GALNT13: variants seen among roughly 807,000 people sequenced by gnomAD.
GALNT13 encodes the protein UDP-GalNAc:polypeptide N-acetylgalactosaminyltransferase 13.
Under a neutral mutation model 64.2 loss-of-function variants are expected in GALNT13, and 28 were observed. The ratio of observed to expected loss-of-function variants is 0.44; its 90% CI spans 0.32 to 0.60. GALNT13 has a LOEUF of 0.60. Among genes scored for constraint, GALNT13 ranks in the 20% least tolerant of loss-of-function variants. The pLI is 0.05. For synonymous variants in GALNT13, 214 were observed against 224.6 expected, an observed-to-expected ratio of 0.95 and a Z score of 0.42; for missense variants, 577 against 669.8, an observed-to-expected ratio of 0.86 and a Z score of 1.53.
At chr2:153,848,602 A>G in the GALNT13 span, among the ~76,000 whole-genome samples, 1 of 152,162 alleles carries the variant, frequency 6.6e-6, no homozygotes, top group Non-Finnish European at 1.5e-5. Flanking sequence ...AAATTAAAGG[A>G]AATACAAATT....
chr2:154,384,958 A>C (rs895110585), intron 9 of GALNT13, among the ~76,000 whole-genome samples: 4 of 151,976 alleles, frequency 2.6e-5, no homozygotes, highest in Non-Finnish European at 4.4e-5. Context: ...ATCTACTGAA[A>C]CTGCAGTTGG....
At chr2:153,469,014 T>C in the GALNT13 span, among the ~76,000 whole-genome samples, 1 of 152,130 alleles carries the variant, frequency 6.6e-6, no homozygotes, top group African/African-American at 2.4e-5. Context: ...AAGTAAATCA[T>C]GTCTAGAGGA....
chr2:153,168,440 A>G, the GALNT13 span, among the ~76,000 whole-genome samples: 9 of 152,310 alleles, frequency 5.9e-5, no homozygotes, highest in Admixed American at 1.3e-4. Flanking sequence ...AAAGTTATAT[A>G]TTTGTGGTAC....
intron 2 of GALNT13, among the ~76,000 whole-genome samples, chr2:153,920,881 A>G (rs1250562606): frequency 2.6e-5 from 4 of 152,192 alleles, no homozygotes; most frequent in Admixed American, 2.6e-4. Flanking sequence ...AACATGCTCA[A>G]CATCACTGAT....
rs925230599 is a variant in GALNT13 at position 154,018,042 on chromosome 2, C to G, written c.142+73403C>G. ...TGATTTGCCTTTAATTCACTGTAAT[C>G]TTCATTGCAATAGAATGAAGTAAGC... On this transcript the variant is annotated intron_variant, in intron 3 of 12. Coordinates refer to ENST00000392825, the MANE Select transcript of GALNT13 (RefSeq NM_052917.4). Among the ~76,000 whole-genome samples, 3 of 152,276 alleles carry G rather than the reference C, an allele frequency of 2.0e-5. No homozygotes were observed. In the East Asian group the frequency reaches 5.8e-4, roughly 29 times the overall value.
chr2:153,491,699 C>T, the GALNT13 span, among the ~76,000 whole-genome samples: 3 of 152,036 alleles, frequency 2.0e-5, no homozygotes, highest in South Asian at 6.2e-4. Context: ...TGGCTCACTG[C>T]AGCCTCCACC....
At chr2:153,488,701 A>T in the GALNT13 span, among the ~76,000 whole-genome samples, 1 of 152,212 alleles carries the variant, frequency 6.6e-6, no homozygotes, top group African/African-American at 2.4e-5. Context: ...CAGTATGAAA[A>T]GACTCAGACA....
intron 3 of GALNT13, among the ~76,000 whole-genome samples, chr2:154,010,031 G>T (rs1376663260): frequency 6.6e-6 from 1 of 152,140 alleles, no homozygotes; most frequent in Non-Finnish European, 1.5e-5. Flanking sequence ...TTTTGCTAAA[G>T]TGTTTTTTAA....
the GALNT13 span, among the ~76,000 whole-genome samples, chr2:153,236,804 G>A: frequency 9.2e-5 from 14 of 152,056 alleles, no homozygotes; most frequent in Non-Finnish European, 4.4e-5. Flanking sequence ...AAATCAAGGA[G>A]TAATTATTAC....
chr2:153,994,749 C>G (rs1272410371), intron 3 of GALNT13, among the ~76,000 whole-genome samples: 1 of 149,756 alleles, frequency 6.7e-6, no homozygotes, highest in African/African-American at 2.4e-5. Context: ...CCTTCGCCCA[C>G]TTGTTGATGG....
intron 11 of GALNT13, among the ~76,000 whole-genome samples, chr2:154,429,902 GAAC>G (rs1454966374): frequency 5.3e-5 from 8 of 152,078 alleles, no homozygotes; most frequent in Admixed American, 1.3e-4. Context: ...TCTGTAAATG[GAAC>G]AACAAGGCCT....
chr2:154,269,505 C>G (rs749318867), intron 8 of GALNT13, among the ~76,000 whole-genome samples: 3 of 151,062 alleles, frequency 2.0e-5, no homozygotes, highest in Non-Finnish European at 4.4e-5. Context: ...GGATACTTTT[C>G]TTTAAATATG....
chr2:154,118,159 C>T (rs1230427639), intron 3 of GALNT13, among the ~76,000 whole-genome samples: 2 of 151,842 alleles, frequency 1.3e-5, no homozygotes, highest in Admixed American at 1.3e-4. Flanking sequence ...CTTTTCAGTT[C>T]TTTTAATGTT....
At chr2:153,711,424 G>A in the GALNT13 span, among the ~76,000 whole-genome samples, 6 of 152,034 alleles carry the variant, frequency 3.9e-5, no homozygotes, top group Admixed American at 2.0e-4. Flanking sequence ...CCGTGTACTA[G>A]GAACTATGCC....
intron 8 of GALNT13, among the ~76,000 whole-genome samples, chr2:154,282,714 A>C (rs547900958): frequency 6.6e-6 from 1 of 152,164 alleles, no homozygotes; most frequent in Non-Finnish European, 1.5e-5. Context: ...TTTAAAAAAA[A>C]CATTAAATTA....
At chr2:153,246,995 A>G in the GALNT13 span, among the ~76,000 whole-genome samples, 4 of 152,238 alleles carry the variant, frequency 2.6e-5, no homozygotes, top group African/African-American at 4.8e-5. Context: ...AGGGGTTGCA[A>G]TCCTAGTCTC....
intron 2 of GALNT13, among the ~76,000 whole-genome samples, chr2:153,940,548 T>C (rs1691269976): frequency 6.6e-6 from 1 of 152,080 alleles, no homozygotes; most frequent in Admixed American, 6.6e-5. Context: ...TGAGCCACCG[T>C]GCCCGGCCAA....
At chr2:154,121,138 T>C (rs1484451626) in intron 3 of GALNT13, among the ~76,000 whole-genome samples, 1 of 152,206 alleles carries the variant, frequency 6.6e-6, no homozygotes, top group East Asian at 1.9e-4. Context: ...AGACCATTCT[T>C]CTTACCCTTC....
At chr2:154,048,020 A>G (rs1699374789) in intron 3 of GALNT13, among the ~76,000 whole-genome samples, 1 of 152,352 alleles carries the variant, frequency 6.6e-6, no homozygotes, top group African/African-American at 2.4e-5. Context: ...TAATTGGCTC[A>G]TGATTCAGCA....
Sources: allele counts gnomAD v4.1 joint callset (sites outside exome capture counted in the v4.1 genomes callset), GRCh38; gene constraint gnomAD v4.1.1; transcripts MANE v1.5; gene names NCBI Gene and HGNC (gene_info 2026-07-23, HGNC 2026-07-21).